Variants in SYN3 observed in about 807,000 individuals in gnomAD.
The protein encoded by SYN3 is synapsin III.
SYN3 carries 35 observed loss-of-function variants against 65.8 expected under a neutral mutation model. The ratio of observed to expected loss-of-function variants is 0.53; its 90% CI spans 0.41 to 0.70. SYN3 has a LOEUF of 0.70. Among genes scored for constraint, SYN3 ranks in the 30% least tolerant of loss-of-function variants. SYN3 has a pLI of 0.00. For synonymous variants in SYN3, 270 were observed against 292.9 expected, an observed-to-expected ratio of 0.92 and a Z score of 0.80; for missense variants, 680 against 749.0, an observed-to-expected ratio of 0.91 and a Z score of 1.08.
intron 6 of SYN3, among the ~76,000 whole-genome samples, chr22:32,753,658 A>G (rs372365303): frequency 4.1e-4 from 63 of 152,370 alleles, no homozygotes; most frequent in African/African-American, 1.4e-3. Context: ...CTCCAAAGGA[A>G]TCTTTATTCT....
chr22:32,530,675 C>A (rs944690031), intron 10 of SYN3, among the ~76,000 whole-genome samples: 6 of 151,646 alleles, frequency 4.0e-5, no homozygotes, highest in Non-Finnish European at 7.4e-5. Flanking sequence ...AGTTTAAGCA[C>A]CCACTTTGAT....
intron 1 of SYN3, among the ~76,000 whole-genome samples, chr22:33,030,468 C>G (rs1485472089): frequency 1.3e-5 from 2 of 151,548 alleles, no homozygotes; most frequent in Non-Finnish European, 1.5e-5. Context: ...GAGACAGACA[C>G]AGAGAGACAG....
intron 4 of SYN3, among the ~76,000 whole-genome samples, chr22:32,902,846 C>G (rs1255026889): frequency 6.9e-6 from 1 of 145,458 alleles, no homozygotes; most frequent in Non-Finnish European, 1.5e-5. Context: ...AAACAGTATG[C>G]TGCATTAAGC....
chr22:32,715,208 C>T (rs1028854239), intron 6 of SYN3, among the ~76,000 whole-genome samples: 6 of 152,116 alleles, frequency 3.9e-5, no homozygotes, highest in Non-Finnish European at 7.3e-5. Flanking sequence ...CTGGCCAAGT[C>T]CAAATTACCA....
chr22:32,962,356 G>T (rs914572987), intron 3 of SYN3, among the ~76,000 whole-genome samples: 1 of 151,898 alleles, frequency 6.6e-6, no homozygotes, highest in African/African-American at 2.4e-5. Flanking sequence ...GGATGGTCTC[G>T]ATCTCTTGAC....
intron 6 of SYN3, among the ~76,000 whole-genome samples, chr22:32,668,166 T>C (rs998047020): frequency 1.3e-5 from 2 of 152,238 alleles, no homozygotes; most frequent in African/African-American, 2.4e-5. Context: ...AGGAGTGATA[T>C]AAATGTTTGA....
intron 6 of SYN3, among the ~76,000 whole-genome samples, chr22:32,742,402 A>G (rs2044799607): frequency 6.6e-6 from 1 of 152,178 alleles, no homozygotes. Flanking sequence ...TCTCTGGAAA[A>G]GAAGAGAACA....
intron 6 of SYN3, among the ~76,000 whole-genome samples, chr22:32,670,016 A>G (rs1476896811): frequency 6.6e-6 from 1 of 152,220 alleles, no homozygotes; most frequent in Non-Finnish European, 1.5e-5. Context: ...GAACAGTGTC[A>G]TTATACTAGC....
At chr22:32,604,180 G>C (rs2059329638) in intron 6 of SYN3, among the ~76,000 whole-genome samples, 1 of 152,194 alleles carries the variant, frequency 6.6e-6, no homozygotes, top group African/African-American at 2.4e-5. Context: ...TAAATAGTCA[G>C]AGTCTGGTCC....
intron 3 of SYN3, among the ~76,000 whole-genome samples, chr22:32,958,286 G>A (rs1204676751): frequency 6.6e-6 from 1 of 152,208 alleles, no homozygotes; most frequent in Admixed American, 6.5e-5. Context: ...AGTGCAAACA[G>A]GATACAAGCA....
chr22:32,562,592 G>T (rs1457118948), intron 7 of SYN3, among the ~76,000 whole-genome samples: 1 of 152,162 alleles, frequency 6.6e-6, no homozygotes, highest in East Asian at 1.9e-4. Context: ...GACTTGACCG[G>T]CTCTGCCCCC....
chr22:33,056,984 G>A (rs2054264755), intron 1 of SYN3, among the ~76,000 whole-genome samples: 1 of 152,192 alleles, frequency 6.6e-6, no homozygotes, highest in Admixed American at 6.5e-5. Flanking sequence ...GAGGTCACAG[G>A]CTCCAGAAAC....
intron 6 of SYN3, among the ~76,000 whole-genome samples, chr22:32,782,012 C>CT (rs1047269832): frequency 1.6e-4 from 25 of 151,654 alleles, no homozygotes; most frequent in African/African-American, 5.3e-4. Context: ...CCCTTCAGAA[C>CT]TTTTTTTCTG....
intron 6 of SYN3, among the ~76,000 whole-genome samples, chr22:32,641,929 C>T (rs1437651860): frequency 1.3e-5 from 2 of 152,072 alleles, no homozygotes; most frequent in Non-Finnish European, 2.9e-5. Context: ...TCCCCAGCCT[C>T]CAAAGATGGA....
intron 7 of SYN3, among the ~76,000 whole-genome samples, chr22:32,579,529 C>A (rs2058904560): frequency 6.6e-6 from 1 of 152,196 alleles, no homozygotes; most frequent in African/African-American, 2.4e-5. Flanking sequence ...AGAGGAACCA[C>A]CTCTTAATAC....
chr22:33,049,559 T>G lies in SYN3; in HGVS notation c.-163+8733A>C, dbSNP rs987302136. Among the ~76,000 whole-genome samples, 11 of 152,254 alleles carry G rather than the reference T, an allele frequency of 7.2e-5. 1 individual carries two copies. The highest frequency in any genetic ancestry group is 4.1e-4 in the South Asian group (2 of 4,832). The stretch of plus-strand genomic sequence containing the variant: ...TTTTTAATAACCACGGGATGGTTTT[T>G]ATTCTGGGTGCTCGTCCAAGCTATT... On this transcript the variant is annotated intron_variant, in intron 1 of 13. Coordinates refer to ENST00000358763, the MANE Select transcript of SYN3 (RefSeq NM_003490.4).
chr22:32,998,472 C>T (rs2052952237), intron 2 of SYN3, among the ~76,000 whole-genome samples: 1 of 152,102 alleles, frequency 6.6e-6, no homozygotes, highest in South Asian at 2.1e-4. Context: ...AGCAATAGAT[C>T]ATTGCGGAAA....
At position 33,008,957 on chromosome 22, in the gene SYN3, AAAAAAAGAG is replaced by A. The variant is rs1310679549; in HGVS notation, c.-162-2142_-162-2134del. Among the ~76,000 whole-genome samples the A allele has an allele frequency of 7.9e-5, 11 of 138,570 alleles. 1 individual carries two copies. Among genetic ancestry groups the A allele is most frequent in the African/African-American group, 2.8e-4 (10 of 36,174 alleles). 90.9% of individuals were successfully genotyped at this position (138,570 alleles called of 152,430 possible). The stretch of plus-strand genomic sequence containing the variant: ...AAAAAAAAAAAAAAAAAAAAAAAAA[AAAAAAAGAG>A]AGAGAGAGAAAAGAAAAAGAAAAAA... On this transcript the variant is annotated intron_variant, in intron 1 of 13. Coordinates refer to ENST00000358763, the MANE Select transcript of SYN3 (RefSeq NM_003490.4).
At chr22:32,767,306 T>C (rs1602098937) in intron 6 of SYN3, among the ~76,000 whole-genome samples, 1 of 152,210 alleles carries the variant, frequency 6.6e-6, no homozygotes, top group Non-Finnish European at 1.5e-5. Context: ...ATCTGGTTAC[T>C]GCTTTCATGT....
Sources: gnomAD v4.1 joint callset for allele counts (sites outside exome capture counted in the v4.1 genomes callset) on GRCh38, gnomAD v4.1.1 for gene constraint, MANE v1.5 for transcripts, NCBI Gene and HGNC (gene_info 2026-07-23, HGNC 2026-07-21) for gene names.